The following DCBLD1 variants were observed in gnomAD, a reference collection of about 807,000 sequenced individuals.
DCBLD1 encodes the protein discoidin, CUB and LCCL domain containing 1.
A neutral mutation model predicts 71.5 loss-of-function variants in DCBLD1; 57 were observed. The observed-to-expected ratio is 0.80, with a 90% CI of 0.64 to 0.99. The LOEUF (loss-of-function observed/expected upper bound fraction) is 0.99. Among genes scored for constraint, DCBLD1 ranks in the 50% least tolerant of loss-of-function variants. The pLI, the probability that DCBLD1 is intolerant of heterozygous loss-of-function variation, is 0.00. For synonymous variants in DCBLD1, 380 were observed against 363.8 expected (o/e 1.04, Z -0.51); for missense variants, 891 against 923.5 (o/e 0.96, Z 0.46).
chr6:117,483,492 G>A (rs933685092), intron 1 of DCBLD1, among the ~76,000 whole-genome samples: 22 of 152,180 alleles, frequency 1.4e-4, no homozygotes, highest in Non-Finnish European at 7.3e-5. Context: ...TCCTGCTGGC[G>A]CCGCAAGTTG....
chr6:117,537,427 G>A (rs1375168058), intron 7 of DCBLD1, among the ~76,000 whole-genome samples: 2 of 151,620 alleles, frequency 1.3e-5, no homozygotes, highest in Non-Finnish European at 2.9e-5. Context: ...CCAGCTTCTC[G>A]GGAGGCTGAG....
At chr6:117,517,673 C>T (rs1294800309) in intron 2 of DCBLD1, among the ~76,000 whole-genome samples, 1 of 152,230 alleles carries the variant, frequency 6.6e-6, no homozygotes, top group Admixed American at 6.5e-5. Flanking sequence ...CAATTCTTGA[C>T]TTCCATGCAC....
intron 1 of DCBLD1, among the ~76,000 whole-genome samples, chr6:117,491,578 A>C (rs968707611): frequency 6.6e-6 from 1 of 152,220 alleles, no homozygotes; most frequent in African/African-American, 2.4e-5. Context: ...TGTTATGAGC[A>C]CACCTAAGAA....
intron 14 of DCBLD1, chr6:117,569,466 G>A: frequency 7.0e-7 from 1 of 1,419,070 alleles, no homozygotes; most frequent in Non-Finnish European, 9.5e-7. Context: ...CAAGAACTAT[G>A]TGTAAACACT....
chr6:117,525,494 C>G (rs1406304485), intron 5 of DCBLD1, 60 bp downstream of exon 5: 2 of 1,238,112 alleles, frequency 1.6e-6, no homozygotes. Context: ...TTTACTCTGC[C>G]TAAATTAATT....
Position 117,549,586 on chromosome 6 carries a change from A to G in DCBLD1, c.*1147A>G. 1 of 985,366 alleles carries G rather than the reference A, an allele frequency of 1.0e-6. No homozygotes were observed. 61.0% of individuals were successfully genotyped at this position (985,366 alleles called of 1,614,324 possible). A position where few individuals can be genotyped will look rare whatever the true frequency, so the allele number is the denominator to read the frequency against. On this transcript the variant is annotated 3_prime_UTR_variant, in exon 15 of 15. Coordinates refer to ENST00000338728, the MANE Select transcript of DCBLD1 (RefSeq NM_001366458.2). The stretch of plus-strand genomic sequence containing the variant: ...TGTGTGTGTTTTTTTAATAGAAAAT[A>G]TGGACCAAAAATTTTTTTCCCTGAA...
In DCBLD1 at chr6:117,503,877, C is replaced by A. The variant is rs751762365; in HGVS notation, c.223C>A (p.Pro75Thr). Residue 75 changes from proline to threonine, a missense_variant, in exon 2 of 15, where the codon CCA becomes ACA. By Grantham distance (38) the Pro-to-Thr change is conservative. Coordinates refer to ENST00000338728, the MANE Select transcript of DCBLD1 (RefSeq NM_001366458.2). ...HTVCEKTITV[P>T]KGKRLILRLG... ...TGTTTGCGAAAAGACAATTACAGTA[C>A]CAAAGGGGAAAAGACTGATTCTGAG... The A allele has an allele frequency of 3.1e-6, 5 of 1,614,046 alleles. No individual in the cohort carries two copies. Among genetic ancestry groups the A allele is most frequent in the Non-Finnish European group, 4.2e-6 (5 of 1,180,002 alleles).
chr6:117,529,748 G>C (rs1410636642), intron 5 of DCBLD1, among the ~76,000 whole-genome samples: 2 of 152,102 alleles, frequency 1.3e-5, no homozygotes. Flanking sequence ...GAGACTTGAT[G>C]GCTAGTCTTT....
At chr6:117,564,594 T>C (rs1779656223) in intron 14 of DCBLD1, among the ~76,000 whole-genome samples, 2 of 152,126 alleles carry the variant, frequency 1.3e-5, no homozygotes, top group African/African-American at 4.8e-5. Flanking sequence ...CAATAACCAA[T>C]AGATACATTT....
intron 2 of DCBLD1, among the ~76,000 whole-genome samples, chr6:117,510,788 G>T (rs972657134): frequency 1.3e-5 from 2 of 152,130 alleles, no homozygotes; most frequent in African/African-American, 2.4e-5. Context: ...TGCATTTAAA[G>T]AAAGCTTTGG....
intron 1 of DCBLD1, 56 bp from the exon 2 acceptor site, chr6:117,503,710 TC>T: frequency 6.4e-7 from 1 of 1,573,430 alleles, no homozygotes; most frequent in Middle Eastern, 1.7e-4. Context: ...CTCTCAATCC[TC>T]AGTAAGAATT....
chr6:117,537,184 GT>G lies in DCBLD1; in HGVS notation c.720del (p.Asp240GlufsTer20). The G allele has an allele frequency of 6.2e-7, 1 of 1,614,010 alleles. No individual in the cohort carries two copies. Among genetic ancestry groups the G allele is most frequent in the Non-Finnish European group, 8.5e-7 (1 of 1,179,942 alleles). On this transcript the variant is annotated frameshift_variant and splice_region_variant, in exon 7 of 15. Transcript: ENST00000338728. LOFTEE classifies it high-confidence loss of function. Reference protein sequence around the residue: ...GILANGVLSRDGSLSDKRFLF... With the variant: ...GILANGVLSRXGSLSDKRFLF... The stretch of plus-strand genomic sequence containing the variant: ...TCTCATGTTTGTCTTTATTGTTTCA[GT>G]GGTTCCCTGTCAGACAAGCGATTTC...
At chr6:117,518,008 C>T (rs1033229053) in intron 2 of DCBLD1, among the ~76,000 whole-genome samples, 2 of 152,210 alleles carry the variant, frequency 1.3e-5, no homozygotes, top group African/African-American at 4.8e-5. Context: ...TTGAATTTCT[C>T]CTCAGAAAAT....
intron 14 of DCBLD1, chr6:117,563,343 C>T: frequency 6.2e-7 from 1 of 1,613,438 alleles, no homozygotes; most frequent in South Asian, 1.1e-5. Context: ...GTGCCCAGGT[C>T]TCCATTTTCA....
intron 1 of DCBLD1, among the ~76,000 whole-genome samples, chr6:117,501,318 C>CGTCTTTCAGTTGTCAT (rs1777650842): frequency 6.8e-6 from 1 of 146,204 alleles, no homozygotes; most frequent in Non-Finnish European, 1.5e-5. Flanking sequence ...GTGGTTGTCA[C>CGTCTTTCAGTTGTCAT]GTCTTTCAGT....
intron 2 of DCBLD1, among the ~76,000 whole-genome samples, chr6:117,512,498 C>T (rs187706573): frequency 2.6e-5 from 4 of 152,192 alleles, no homozygotes; most frequent in Non-Finnish European, 4.4e-5. Context: ...GACAAATCTG[C>T]GATTTGACTG....
At chr6:117,559,760 A>G (rs1779547816) in intron 14 of DCBLD1, among the ~76,000 whole-genome samples, 1 of 152,226 alleles carries the variant, frequency 6.6e-6, no homozygotes, top group South Asian at 2.1e-4. Flanking sequence ...CTGATTAACA[A>G]TGAAAATACA....
intron 2 of DCBLD1, among the ~76,000 whole-genome samples, chr6:117,518,943 C>G (rs1356299302): frequency 6.6e-6 from 1 of 152,090 alleles, no homozygotes; most frequent in African/African-American, 2.4e-5. Flanking sequence ...TATTCTTCTT[C>G]CTTCATCATG....
intron 2 of DCBLD1, among the ~76,000 whole-genome samples, chr6:117,510,218 C>T (rs567428090): frequency 1.3e-5 from 2 of 152,238 alleles, no homozygotes; most frequent in African/African-American, 4.8e-5. Flanking sequence ...ATGCCATTTC[C>T]CAAATGCATC....
Sources: gnomAD v4.1 joint callset for allele counts (sites outside exome capture counted in the v4.1 genomes callset) on GRCh38, gnomAD v4.1.1 for gene constraint, MANE v1.5 for transcripts, NCBI Gene and HGNC (gene_info 2026-07-23, HGNC 2026-07-21) for gene names.